The following FRMPD4 variants were observed in gnomAD, a reference collection of about 807,000 sequenced individuals.
FRMPD4 encodes the protein FERM and PDZ domain containing 4.
In FRMPD4, 22 loss-of-function variants were observed where a neutral mutation model predicts 94.1. The observed-to-expected ratio is 0.23, with a 90% CI of 0.17 to 0.33. FRMPD4 has a LOEUF of 0.33. Among genes scored for constraint, FRMPD4 ranks in the 10% least tolerant of loss-of-function variants. The pLI, the probability that FRMPD4 is intolerant of heterozygous loss-of-function variation, is 1.00. For synonymous variants in FRMPD4, 631 were observed against 548.6 expected, an observed-to-expected ratio of 1.15 and a Z score of -2.10; for missense variants, 1,111 against 1,339.9, an observed-to-expected ratio of 0.83 and a Z score of 2.67.
At chrX:12,504,691 C>G (rs1330495814) in intron 2 of FRMPD4, among the ~76,000 whole-genome samples, 7 of 112,245 alleles carry the variant, frequency 6.2e-5, no homozygotes, top group Non-Finnish European at 1.1e-4. Flanking sequence ...GATGGAAGGG[C>G]TTTTAACAGG....
intron 2 of FRMPD4, among the ~76,000 whole-genome samples, chrX:12,574,761 G>A (rs2148367054): frequency 8.9e-6 from 1 of 112,122 alleles, no homozygotes; most frequent in Admixed American, 9.4e-5. Context: ...GCCTCCCAAA[G>A]TGCTGGGATC....
intron 1 of FRMPD4, among the ~76,000 whole-genome samples, chrX:12,332,394 C>G (rs1331092644): frequency 1.9e-5 from 2 of 108,030 alleles, no homozygotes; most frequent in Non-Finnish European, 3.8e-5. Context: ...CTTCATGCTG[C>G]AATTTGATTT....
chrX:12,364,158 A>T (rs188775242), intron 1 of FRMPD4, among the ~76,000 whole-genome samples: 46 of 110,940 alleles, frequency 4.1e-4, no homozygotes, highest in African/African-American at 1.4e-3. Flanking sequence ...ACACACATAC[A>T]CTTCTAAAAT....
chrX:11,849,021 C>G (rs760543784), intron 1 of FRMPD4, among the ~76,000 whole-genome samples: 119 of 111,353 alleles, frequency 1.1e-3, no homozygotes, highest in African/African-American at 3.4e-3. Flanking sequence ...AAAATTATCT[C>G]TGTTCACTGG....
In FRMPD4 at chrX:12,651,339, A is replaced by ATT. The variant is rs5901482; in HGVS notation, c.423-23507_423-23506dup. Among the ~76,000 whole-genome samples the ATT allele has an allele frequency of 8.6e-3, 733 of 84,799 alleles. 9 individuals carry two copies. The highest frequency in any genetic ancestry group is 0.029 in the African/African-American group (665 of 23,129). 73.6% of individuals were successfully genotyped at this position (84,799 alleles called of 115,157 possible). On this transcript the variant is annotated intron_variant, in intron 4 of 16. Coordinates refer to ENST00000675598, the MANE Select transcript of FRMPD4 (RefSeq NM_001368397.1). ...TCCCTGCTCTCATCCACCCACTAGG[A>ATT]TTTTTTTTTTTTTTTTTTGGCAATC...
intron 2 of FRMPD4, among the ~76,000 whole-genome samples, chrX:12,542,724 T>G (rs2058429894): frequency 9.0e-6 from 1 of 111,650 alleles, no homozygotes; most frequent in South Asian, 3.8e-4. Flanking sequence ...CTTCACAGAA[T>G]TGGAAAAAAA....
At chrX:11,947,363 A>T (rs2054194548) in intron 3 of FRMPD4, among the ~76,000 whole-genome samples, 1 of 112,318 alleles carries the variant, frequency 8.9e-6, no homozygotes, top group Admixed American at 9.4e-5. Flanking sequence ...TCCTGAAAAG[A>T]GTTAACTAGC....
intron 1 of FRMPD4, among the ~76,000 whole-genome samples, chrX:12,313,577 AC>A (rs2055068358): frequency 8.9e-6 from 1 of 112,499 alleles, no homozygotes; most frequent in Non-Finnish European, 1.9e-5. Context: ...ATCTACCAAA[AC>A]TTTGAATTTT....
At chrX:11,976,648 A>G (rs2054368555) in intron 3 of FRMPD4, among the ~76,000 whole-genome samples, 1 of 112,778 alleles carries the variant, frequency 8.9e-6, no homozygotes. Flanking sequence ...TCAGTTGATC[A>G]ATTATAATGC....
intron 1 of FRMPD4, among the ~76,000 whole-genome samples, chrX:12,474,545 A>C (rs764868645): frequency 8.9e-6 from 1 of 111,891 alleles, no homozygotes; most frequent in African/African-American, 3.2e-5. Flanking sequence ...AACGATCAAC[A>C]AAACTGATAG....
intron 3 of FRMPD4, among the ~76,000 whole-genome samples, chrX:12,075,434 TGAG>T (rs1242885688): frequency 1.8e-5 from 2 of 112,027 alleles, no homozygotes; most frequent in Non-Finnish European, 3.8e-5. Flanking sequence ...AAAAAGATGA[TGAG>T]AAGAAAAGAC....
chrX:12,671,858 C>T (rs1183614773), intron 4 of FRMPD4, among the ~76,000 whole-genome samples: 3 of 111,597 alleles, frequency 2.7e-5, no homozygotes, highest in African/African-American at 9.8e-5. Flanking sequence ...CTCCCCAGGG[C>T]CAGTTCCTCC....
intron 1 of FRMPD4, among the ~76,000 whole-genome samples, chrX:12,221,053 C>T (rs1213228880): frequency 8.9e-6 from 1 of 111,963 alleles, no homozygotes; most frequent in African/African-American, 3.2e-5. Context: ...CTAGATGTAC[C>T]TTCCTTCAAA....
chrX:12,213,769 G>A (rs5979551), intron 1 of FRMPD4, among the ~76,000 whole-genome samples: 8,774 of 111,721 alleles, frequency 0.079, 813 homozygotes, highest in African/African-American at 0.27. Context: ...ACTTTGATCT[G>A]TGTAAATGAG....
At chrX:12,323,426 A>G (rs1463866443) in intron 1 of FRMPD4, among the ~76,000 whole-genome samples, 3 of 111,633 alleles carry the variant, frequency 2.7e-5, no homozygotes. Flanking sequence ...TTAGTGGCAT[A>G]TGGTGCCAGG....
At chrX:12,437,487 C>T (rs1442224308) in intron 1 of FRMPD4, among the ~76,000 whole-genome samples, 4 of 109,889 alleles carry the variant, frequency 3.6e-5, no homozygotes, top group African/African-American at 6.7e-5. Flanking sequence ...TGGGATAGTC[C>T]TAACTCCTGC....
intron 4 of FRMPD4, among the ~76,000 whole-genome samples, chrX:12,641,412 G>T (rs1388024641): frequency 9.0e-6 from 1 of 111,622 alleles, no homozygotes; most frequent in African/African-American, 3.3e-5. Flanking sequence ...ATGCTCTCAG[G>T]CAGTTTAGAC....
At chrX:12,019,890 A>C (rs1215713785) in intron 3 of FRMPD4, among the ~76,000 whole-genome samples, 1 of 112,147 alleles carries the variant, frequency 8.9e-6, no homozygotes, top group Non-Finnish European at 1.9e-5. Flanking sequence ...TGTGTCAGGA[A>C]TGTTCACAGT....
chrX:12,529,683 G>A (rs762032390), intron 2 of FRMPD4, among the ~76,000 whole-genome samples: 4 of 112,091 alleles, frequency 3.6e-5, no homozygotes, highest in African/African-American at 1.3e-4. Flanking sequence ...TTATAGTAGA[G>A]GCAGATTCAA....
Sources: gnomAD v4.1 joint callset for allele counts (sites outside exome capture counted in the v4.1 genomes callset) on GRCh38, gnomAD v4.1.1 for gene constraint, MANE v1.5 for transcripts, NCBI Gene and HGNC (gene_info 2026-07-23, HGNC 2026-07-21) for gene names.